PPP2R5E: variants seen among roughly 807,000 people sequenced by gnomAD.
PPP2R5E encodes the protein serine/threonine-protein phosphatase 2A 56 kDa regulatory subunit epsilon isoform.
Under a neutral mutation model 65.3 loss-of-function variants are expected in PPP2R5E, and 4 were observed. The ratio of observed to expected loss-of-function variants is 0.06; its 90% confidence interval spans 0.03 to 0.14. The LOEUF is 0.14. Ranked by LOEUF, PPP2R5E falls within the 10% of genes least tolerant of loss-of-function variation. The probability of loss-of-function intolerance (pLI) is 1.00; values close to 1 mark genes in which losing one functional copy is unlikely to be tolerated. For synonymous variants in PPP2R5E, 183 were observed against 187.4 expected (o/e 0.98, Z 0.19); for missense variants, 274 against 556.1 (o/e 0.49, Z 5.10).
intron 3 of PPP2R5E, among the ~76,000 whole-genome samples, chr14:63,431,793 C>T (rs17225189): frequency 0.067 from 10,160 of 151,818 alleles, 452 homozygotes; most frequent in East Asian, 0.21. Context: ...ATTTCTAAAG[C>T]GAGTAATTAC....
At chr14:63,398,228 G>A (rs1264585266) in intron 5 of PPP2R5E, among the ~76,000 whole-genome samples, 1 of 151,972 alleles carries the variant, frequency 6.6e-6, no homozygotes, top group African/African-American at 2.4e-5. Flanking sequence ...CTTTGTTTTT[G>A]TATCATTGAC....
intron 5 of PPP2R5E, among the ~76,000 whole-genome samples, chr14:63,408,355 A>G (rs971238720): frequency 1.3e-4 from 16 of 125,750 alleles, no homozygotes; most frequent in African/African-American, 7.8e-4. Context: ...CTTCAGGACA[A>G]TTATGCCAAT....
chr14:63,503,109 T>TA (rs938856242), intron 2 of PPP2R5E, among the ~76,000 whole-genome samples: 3 of 152,024 alleles, frequency 2.0e-5, no homozygotes, highest in Non-Finnish European at 4.4e-5. Context: ...AGACCATAAA[T>TA]AAAAAATTAC....
intron 3 of PPP2R5E, among the ~76,000 whole-genome samples, chr14:63,443,162 A>G (rs1019468120): frequency 1.3e-5 from 2 of 152,234 alleles, no homozygotes; most frequent in Admixed American, 1.3e-4. Flanking sequence ...ATAATTTGAG[A>G]GTAGGAAAAA....
intron 3 of PPP2R5E, 97 bp from the exon 4 acceptor site, chr14:63,422,191 T>G: frequency 1.0e-6 from 1 of 954,674 alleles, no homozygotes. Flanking sequence ...CAGATAACAA[T>G]GCACAAGGAA....
rs531912796 is a variant in PPP2R5E at position 63,517,886 on chromosome 14, A to G, written c.157+21643T>C. Among the ~76,000 whole-genome samples, 35 of 152,266 alleles carry G rather than the reference A, an allele frequency of 2.3e-4. 1 individual carries two copies. In the South Asian group the frequency reaches 6.2e-3, roughly 27 times the overall value. ...ATGAACTTCAGTTGGTACTGACAATAATTCTAGATCTAATCTTCTAAACTT... is the reference window on the plus strand; with the variant it reads ...ATGAACTTCAGTTGGTACTGACAATGATTCTAGATCTAATCTTCTAAACTT... On this transcript the variant is annotated intron_variant, in intron 2 of 13. Coordinates refer to ENST00000337537, the MANE Select transcript of PPP2R5E (RefSeq NM_006246.5).
At chr14:63,492,843 CCA>C (rs1891346200) in intron 2 of PPP2R5E, among the ~76,000 whole-genome samples, 1 of 152,146 alleles carries the variant, frequency 6.6e-6, no homozygotes, top group African/African-American at 2.4e-5. Context: ...GCCAAGTCTT[CCA>C]GTCCAGGAAT....
In PPP2R5E at chr14:63,523,186, C is replaced by G. The variant is rs796195271; in HGVS notation, c.157+16343G>C. On this transcript the variant is annotated intron_variant, in intron 2 of 13. Coordinates refer to ENST00000337537, the MANE Select transcript of PPP2R5E (RefSeq NM_006246.5). The stretch of plus-strand genomic sequence containing the variant: ...GGAGGTGAGGAGCCCCTCTGCCCGG[C>G]CACCACCCCATCTGGGAGGTGTGCC... Among the ~76,000 whole-genome samples, 23 of 151,328 alleles carry G rather than the reference C, an allele frequency of 1.5e-4. No individual in the cohort carries two copies. The South Asian group carries it at 4.8e-3, about 32-fold the overall frequency.
At chr14:63,523,743 TAA>T (rs201593214) in intron 2 of PPP2R5E, among the ~76,000 whole-genome samples, 19 of 128,348 alleles carry the variant, frequency 1.5e-4, no homozygotes, top group Non-Finnish European at 1.7e-4. Context: ...GGTTACACGC[TAA>T]AAAAAAAAAA....
chr14:63,496,376 G>A (rs879437377), intron 2 of PPP2R5E, among the ~76,000 whole-genome samples: 53 of 150,292 alleles, frequency 3.5e-4, no homozygotes, highest in African/African-American at 1.0e-3. Flanking sequence ...CCTGGGAGGC[G>A]GAGATTGCAA....
intron 2 of PPP2R5E, among the ~76,000 whole-genome samples, chr14:63,464,312 A>G (rs1889666082): frequency 6.6e-6 from 1 of 152,160 alleles, no homozygotes; most frequent in South Asian, 2.1e-4. Context: ...GGCAAGGGGG[A>G]CTAGGCACGC....
chr14:63,430,385 A>ACATACATG lies in PPP2R5E; in HGVS notation c.355-8292_355-8291insCATGTATG, dbSNP rs1555359671. On this transcript the variant is annotated intron_variant, in intron 3 of 13. Coordinates refer to ENST00000337537, the MANE Select transcript of PPP2R5E (RefSeq NM_006246.5). Reference sequence around the variant, plus strand: ...TACATACATACATGCATGCATACATACATACATACATACATGCATACATAC... The same window carrying ACATACATG: ...TACATACATACATGCATGCATACATACATACATGCATACATACATACATGCATACATAC... Among the ~76,000 whole-genome samples the ACATACATG allele has an allele frequency of 5.9e-4, 83 of 140,898 alleles. 1 individual carries two copies. The South Asian group carries it at 0.012, about 20-fold the overall frequency. 92.4% of individuals were successfully genotyped at this position (140,898 alleles called of 152,430 possible).
chr14:63,516,668 G>A (rs1892683664), intron 2 of PPP2R5E, among the ~76,000 whole-genome samples: 1 of 152,116 alleles, frequency 6.6e-6, no homozygotes, highest in Admixed American at 6.6e-5. Flanking sequence ...TGTTTCACAG[G>A]CAAGATACCA....
chr14:63,377,892 G>C (rs534494696), intron 13 of PPP2R5E, among the ~76,000 whole-genome samples: 86 of 152,092 alleles, frequency 5.7e-4, no homozygotes, highest in African/African-American at 1.9e-3. Context: ...TTAGAGTCAG[G>C]GTCTCATTCT....
chr14:63,522,630 T>G (rs1255763), intron 2 of PPP2R5E, among the ~76,000 whole-genome samples: 44,727 of 119,348 alleles, frequency 0.37, 9,394 homozygotes, highest in African/African-American at 0.64. Flanking sequence ...CCTCTACCCG[T>G]CCGCGACCCC....
intron 2 of PPP2R5E, among the ~76,000 whole-genome samples, chr14:63,482,587 T>C (rs1158494251): frequency 2.0e-5 from 3 of 152,172 alleles, no homozygotes; most frequent in African/African-American, 7.2e-5. Context: ...GGGTTTGGTT[T>C]ACGCAAGAAA....
At chr14:63,385,893 T>G (rs1290225921) in intron 11 of PPP2R5E, among the ~76,000 whole-genome samples, 1 of 152,338 alleles carries the variant, frequency 6.6e-6, no homozygotes, top group East Asian at 1.9e-4. Flanking sequence ...CTACCCTCTC[T>G]GCTCTCTTAG....
chr14:63,389,964 T>C (rs544885225), intron 10 of PPP2R5E, among the ~76,000 whole-genome samples: 1 of 152,102 alleles, frequency 6.6e-6, no homozygotes, highest in Non-Finnish European at 1.5e-5. Flanking sequence ...TTGGTATATA[T>C]ATTACATAGA....
intron 5 of PPP2R5E, among the ~76,000 whole-genome samples, chr14:63,412,523 C>G (rs991860111): frequency 2.6e-5 from 4 of 152,170 alleles, no homozygotes; most frequent in African/African-American, 9.7e-5. Flanking sequence ...CAAATGGACA[C>G]AACCAGGATA....
Sources: allele counts gnomAD v4.1 joint callset (sites outside exome capture counted in the v4.1 genomes callset), GRCh38; gene constraint gnomAD v4.1.1; transcripts MANE v1.5; gene names NCBI Gene and HGNC (gene_info 2026-07-23, HGNC 2026-07-21).